Variants in RPL30 observed in about 807,000 individuals in gnomAD.
RPL30 encodes the protein ribosomal protein L30, also known as large ribosomal subunit protein eL30.
For missense variants in RPL30, 60 were observed against 138.0 expected (o/e 0.43, Z 2.83); for synonymous variants, 40 against 50.4 (o/e 0.79, Z 0.87).
chr8:98,042,243 T>C (rs752013577), intron 4 of RPL30: 38 of 527,500 alleles, frequency 7.2e-5, no homozygotes, highest in Admixed American at 3.8e-4. Context: ...AGATTCACAA[T>C]TGGAAAACAG....
At chr8:98,044,070 A>AT (rs1404690842) in intron 3 of RPL30, 1 of 152,392 alleles carries the variant, frequency 6.6e-6, no homozygotes, top group African/African-American at 2.4e-5. Context: ...AGATTGTGCC[A>AT]TTGCACTCCA....
intron 1 of RPL30, 50 bp downstream of exon 1, chr8:98,045,458 C>A (rs962210891): frequency 3.3e-6 from 5 of 1,515,466 alleles, no homozygotes; most frequent in East Asian, 4.5e-5. Flanking sequence ...AATGGCAACC[C>A]GCAAAGCTCC....
At chr8:98,043,435 T>TTTTC (rs1018158399) in intron 3 of RPL30, 1 of 150,396 alleles carries the variant, frequency 6.6e-6, no homozygotes, top group Non-Finnish European at 1.5e-5. Context: ...CCTATTCTTT[T>TTTTC]TTTTTTTTTT....
intron 4 of RPL30, 50 bp downstream of exon 4, chr8:98,042,595 T>G: frequency 6.7e-7 from 1 of 1,500,182 alleles, no homozygotes; most frequent in African/African-American, 1.6e-5. Context: ...GTCCAGACAT[T>G]ACATTAGAAA....
chr8:98,042,490 A>G (rs1814394978), intron 4 of RPL30, 155 bp downstream of exon 4: 1 of 709,738 alleles, frequency 1.4e-6, no homozygotes. Flanking sequence ...TTCATTACCA[A>G]TTCTCTACAA....
At chr8:98,042,946 G>T (rs1202265727) in intron 3 of RPL30, 171 bp from the exon 4 acceptor site, 2 of 557,608 alleles carry the variant, frequency 3.6e-6, no homozygotes, top group African/African-American at 2.0e-5. Context: ...ACCAACATTT[G>T]TATGTATCCC....
At chr8:98,042,607 G>T in intron 4 of RPL30, 38 bp downstream of exon 4, 2 of 1,329,616 alleles carry the variant, frequency 1.5e-6, no homozygotes, top group Non-Finnish European at 2.0e-6. Flanking sequence ...CATTAGAAAG[G>T]CAAAAAAAAA....
chr8:98,042,381 A>T, intron 4 of RPL30: 1 of 433,516 alleles, frequency 2.3e-6, no homozygotes, highest in Non-Finnish European at 4.2e-6. Flanking sequence ...CCTTTTACCA[A>T]ATCTATGTCA....
intron 4 of RPL30, 121 bp from the exon 5 acceptor site, chr8:98,041,971 CTT>C: frequency 1.3e-6 from 1 of 773,914 alleles, no homozygotes; most frequent in Middle Eastern, 3.7e-4. Context: ...TTAGCACTGA[CTT>C]TTTGCAAAAG....
At chr8:98,042,421 T>C (rs1427486603) in intron 4 of RPL30, 2 of 490,426 alleles carry the variant, frequency 4.1e-6, no homozygotes, top group South Asian at 2.1e-5. Flanking sequence ...TCAAATGAAA[T>C]TCATTATCTG....
At position 98,042,638 on chromosome 8, in the gene RPL30, A is replaced by T. The variant is rs1369341988; in HGVS notation, c.298+7T>A. The T allele has an allele frequency of 1.2e-6, 2 of 1,602,464 alleles. No individual in the cohort carries two copies. Among genetic ancestry groups the T allele is most frequent in the Non-Finnish European group, 1.7e-6 (2 of 1,175,878 alleles). On this transcript the variant is annotated splice_region_variant and intron_variant, in intron 4 of 4. Coordinates refer to ENST00000287038, the MANE Select transcript of RPL30 (RefSeq NM_000989.4). ...AAAAAAAAGACTTTATGATTTAAAA[A>T]GCATACCTGGATCAATGATAGCCAG...
At chr8:98,045,235 C>A (rs987561910) in intron 2 of RPL30, 112 bp downstream of exon 2, 1 of 1,557,820 alleles carries the variant, frequency 6.4e-7, no homozygotes, top group Admixed American at 1.7e-5. Context: ...CCTTCTGGGG[C>A]CCTCCAAATG....
At position 98,045,450 on chromosome 8, in the gene RPL30, T is replaced by C; in HGVS notation, c.-32-51A>G. The C allele has an allele frequency of 6.4e-6, 10 of 1,563,010 alleles. No homozygotes were observed. The Admixed American group carries it at 1.7e-4, about 26-fold the overall frequency. On this transcript the variant is annotated intron_variant, in intron 1 of 4. Transcript: ENST00000287038. ...GAATTTTAGGATCCGGAGTTACAAATGGCAACCCGCAAAGCTCCCCGCGCT... is the reference window on the plus strand; with the variant it reads ...GAATTTTAGGATCCGGAGTTACAAACGGCAACCCGCAAAGCTCCCCGCGCT...
intron 2 of RPL30, 103 bp from the exon 3 acceptor site, chr8:98,045,191 A>C (rs1236252033): frequency 1.3e-6 from 2 of 1,546,148 alleles, no homozygotes; most frequent in Non-Finnish European, 1.8e-6. Context: ...TCCGAAGTCG[A>C]GGACCCCAAG....
Position 98,044,948 on chromosome 8 carries a change from A to G in RPL30, c.162T>C (p.Ala54=). The G allele has an allele frequency of 6.2e-7, 1 of 1,613,146 alleles. No individual in the cohort carries two copies. Among genetic ancestry groups the G allele is most frequent in the Non-Finnish European group, 8.5e-7 (1 of 1,179,950 alleles). ...KLVILANNCP[A]LRKSEIEYYA... ...CGTTCAGTCTCTTCGATTACCTCAAAGCTGGGCAGTTGTTAGCGAGAATGA... is the reference window on the plus strand; with the variant it reads ...CGTTCAGTCTCTTCGATTACCTCAAGGCTGGGCAGTTGTTAGCGAGAATGA... The change falls in exon 3 of 5, where the codon GCT becomes GCC. Residue 54 remains alanine, a synonymous_variant. Coordinates refer to ENST00000287038, the MANE Select transcript of RPL30 (RefSeq NM_000989.4).
Position 98,041,784 on chromosome 8 carries a change from T to G in RPL30, c.*17A>C. 6.3e-7 allele frequency: 1 copy of G among 1,579,446 alleles called. No homozygotes were observed. The highest frequency in any genetic ancestry group is 8.6e-7 in the Non-Finnish European group (1 of 1,159,632). Reference sequence around the variant, plus strand: ...CAGGTTTAAGGTTTGCAGGTGAAATTTTGTAGGTGAAAAGGTTTACTTTTC... The same window carrying G: ...CAGGTTTAAGGTTTGCAGGTGAAATGTTGTAGGTGAAAAGGTTTACTTTTC... On this transcript the variant is annotated 3_prime_UTR_variant, in exon 5 of 5. Coordinates refer to ENST00000287038, the MANE Select transcript of RPL30 (RefSeq NM_000989.4).
chr8:98,042,568 C>T (rs1599909), intron 4 of RPL30, 77 bp downstream of exon 4: 665,851 of 1,336,686 alleles, frequency 0.5, 180,958 homozygotes, highest in Non-Finnish European at 0.57. Context: ...AAGACATTTG[C>T]GTAGTAAGAA....
intron 3 of RPL30, chr8:98,043,049 A>G: frequency 4.0e-6 from 1 of 252,106 alleles, no homozygotes; most frequent in Non-Finnish European, 7.5e-6. Context: ...AGATGCAAAT[A>G]AAAGAAAGCA....
intron 2 of RPL30, 126 bp downstream of exon 2, chr8:98,045,221 G>C: frequency 3.3e-6 from 5 of 1,534,160 alleles, no homozygotes; most frequent in Non-Finnish European, 3.6e-6. Flanking sequence ...GGGCCACTGG[G>C]ATTCCTTCTG....
Sources: allele counts gnomAD v4.1 joint callset, GRCh38; gene constraint gnomAD v4.1.1; transcripts MANE v1.5; gene names NCBI Gene and HGNC (gene_info 2026-07-23, HGNC 2026-07-21).